Variants in IL1RAPL1 observed in about 807,000 individuals in gnomAD.
IL1RAPL1 encodes the protein interleukin 1 receptor accessory protein like 1, also known as interleukin-1 receptor accessory protein-like 1.
In IL1RAPL1, 3 loss-of-function variants were observed where a neutral mutation model predicts 48.4. The ratio of observed to expected loss-of-function variants is 0.06; its 90% CI spans 0.03 to 0.16. The LOEUF (loss-of-function observed/expected upper bound fraction) is 0.16, where lower values mean the gene tolerates loss of function less well. IL1RAPL1 is among the 10% of genes least tolerant of loss of function. The pLI, the probability that IL1RAPL1 is intolerant of heterozygous loss-of-function variation, is 1.00. For missense variants in IL1RAPL1, 349 were observed against 530.6 expected (o/e 0.66, Z 3.36); for synonymous variants, 185 against 187.7 (o/e 0.99, Z 0.12).
intron 2 of IL1RAPL1, among the ~76,000 whole-genome samples, chrX:29,259,265 T>C (rs1931810007): frequency 8.9e-6 from 1 of 112,232 alleles, no homozygotes. Context: ...TTTTTACTTT[T>C]TCTGTACTGA....
chrX:29,223,148 T>A lies in IL1RAPL1; in HGVS notation c.83-59790T>A, dbSNP rs754868612. On this transcript the variant is annotated intron_variant, in intron 2 of 10. Coordinates refer to ENST00000378993, the MANE Select transcript of IL1RAPL1 (RefSeq NM_014271.4). ...AAAGTTGATAAGTATCCTGAAGTTT[T>A]AAAAAAAAATGGTACATTCTCTTTG... Among the ~76,000 whole-genome samples the A allele has an allele frequency of 6.0e-4, 66 of 110,287 alleles. No individual in the cohort carries two copies. The East Asian group carries it at 0.012, about 20-fold the overall frequency.
At chrX:28,717,792 C>T (rs1228268260) in intron 1 of IL1RAPL1, among the ~76,000 whole-genome samples, 3 of 110,894 alleles carry the variant, frequency 2.7e-5, no homozygotes, top group Non-Finnish European at 1.9e-5. Context: ...AGAAGGTATA[C>T]GTTTCTTCCT....
chrX:29,508,226 T>C (rs1935356836), intron 5 of IL1RAPL1, among the ~76,000 whole-genome samples: 1 of 111,478 alleles, frequency 9.0e-6, no homozygotes, highest in South Asian at 3.8e-4. Flanking sequence ...GGATTCCTGA[T>C]CCCAGCTCAA....
chrX:29,743,513 G>T (rs1341171949), intron 6 of IL1RAPL1, among the ~76,000 whole-genome samples: 1 of 111,329 alleles, frequency 9.0e-6, no homozygotes, highest in Non-Finnish European at 1.9e-5. Context: ...TTGAGACAGA[G>T]CCTCGCTCTG....
At chrX:29,802,773 A>ATG (rs1231813468) in intron 6 of IL1RAPL1, among the ~76,000 whole-genome samples, 14 of 29,258 alleles carry the variant, frequency 4.8e-4, no homozygotes, top group East Asian at 1.4e-3. Flanking sequence ...ATATATATAT[A>ATG]TATATATATG....
intron 1 of IL1RAPL1, among the ~76,000 whole-genome samples, chrX:28,757,420 C>T (rs1936118100): frequency 8.9e-6 from 1 of 112,689 alleles, no homozygotes; most frequent in Non-Finnish European, 1.9e-5. Context: ...CTGTGCTCCA[C>T]ACCAGTTGAC....
chrX:29,675,476 T>C (rs748271049), intron 6 of IL1RAPL1, among the ~76,000 whole-genome samples: 1 of 112,774 alleles, frequency 8.9e-6, no homozygotes, highest in Non-Finnish European at 1.9e-5. Context: ...AGTACTATTT[T>C]ATTTGTTATC....
intron 3 of IL1RAPL1, among the ~76,000 whole-genome samples, chrX:29,393,267 G>C (rs1487857649): frequency 1.8e-5 from 2 of 111,438 alleles, no homozygotes; most frequent in African/African-American, 6.5e-5. Context: ...GACTACAGGC[G>C]CCCGCCACCA....
intron 2 of IL1RAPL1, 109 bp downstream of exon 2, chrX:28,789,534 T>TCTCCACAA: frequency 1.7e-6 from 1 of 574,983 alleles, no homozygotes; most frequent in Non-Finnish European, 3.0e-6. Context: ...GTTATCAATA[T>TCTCCACAA]TGTGGAGATA....
At chrX:28,863,306 A>G (rs1356745391) in intron 2 of IL1RAPL1, among the ~76,000 whole-genome samples, 1 of 110,683 alleles carries the variant, frequency 9.0e-6, no homozygotes, top group Non-Finnish European at 1.9e-5. Context: ...CTACCTTTGT[A>G]GCATGAAAGC....
At chrX:28,649,637 G>A (rs188176059) in intron 1 of IL1RAPL1, among the ~76,000 whole-genome samples, 15 of 112,269 alleles carry the variant, frequency 1.3e-4, no homozygotes, top group African/African-American at 4.2e-4. Context: ...CAACATTAGC[G>A]TTATTTGAGA....
At chrX:28,660,225 C>A (rs1454892016) in intron 1 of IL1RAPL1, among the ~76,000 whole-genome samples, 1 of 108,703 alleles carries the variant, frequency 9.2e-6, no homozygotes, top group Non-Finnish European at 1.9e-5. Flanking sequence ...TAATGAGTCT[C>A]AAAAGCATTG....
chrX:29,460,483 T>C (rs2147733406), intron 5 of IL1RAPL1, among the ~76,000 whole-genome samples: 1 of 112,071 alleles, frequency 8.9e-6, no homozygotes, highest in East Asian at 2.8e-4. Flanking sequence ...TCAGGTCCCA[T>C]TTCTACTTAC....
At chrX:29,395,577 ATCTG>A (rs1429669317) in intron 3 of IL1RAPL1, among the ~76,000 whole-genome samples, 6 of 112,095 alleles carry the variant, frequency 5.4e-5, no homozygotes, top group African/African-American at 1.3e-4. Context: ...ATTCTGTAGA[ATCTG>A]TCTATCAGGA....
At chrX:28,870,669 G>C (rs779152868) in intron 2 of IL1RAPL1, among the ~76,000 whole-genome samples, 17 of 110,585 alleles carry the variant, frequency 1.5e-4, no homozygotes, top group Non-Finnish European at 2.1e-4. Flanking sequence ...CAAAATAATT[G>C]GGCTCAATTT....
chrX:29,231,588 G>T (rs1931203498), intron 2 of IL1RAPL1, among the ~76,000 whole-genome samples: 1 of 111,318 alleles, frequency 9.0e-6, no homozygotes, highest in African/African-American at 3.3e-5. Context: ...CTTCCCCTGG[G>T]TTTCTTCTTA....
chrX:29,302,754 A>G (rs1025406993), intron 3 of IL1RAPL1, among the ~76,000 whole-genome samples: 3 of 111,549 alleles, frequency 2.7e-5, no homozygotes, highest in Non-Finnish European at 5.6e-5. Flanking sequence ...GGGATGTTGA[A>G]TGGAGGGCTT....
chrX:29,766,173 C>T (rs1265227949), intron 6 of IL1RAPL1, among the ~76,000 whole-genome samples: 4 of 105,030 alleles, frequency 3.8e-5, no homozygotes, highest in Non-Finnish European at 5.8e-5. Flanking sequence ...TACTAAAATA[C>T]AAAAATTAGC....
At chrX:29,204,229 A>T (rs980947301) in intron 2 of IL1RAPL1, among the ~76,000 whole-genome samples, 1 of 111,915 alleles carries the variant, frequency 8.9e-6, no homozygotes, top group African/African-American at 3.2e-5. Context: ...TTTTGGATAC[A>T]TTCTCAGCAG....
Sources: allele counts gnomAD v4.1 joint callset (sites outside exome capture counted in the v4.1 genomes callset), GRCh38; gene constraint gnomAD v4.1.1; transcripts MANE v1.5; gene names NCBI Gene and HGNC (gene_info 2026-07-23, HGNC 2026-07-21).